The following CALCOCO1 variants were observed in gnomAD, a reference collection of about 807,000 sequenced individuals.
CALCOCO1 encodes calcium binding and coiled-coil domain 1.
In CALCOCO1, 44 loss-of-function variants were observed where a neutral mutation model predicts 86.3. The ratio of observed to expected loss-of-function variants is 0.51; its 90% CI spans 0.40 to 0.66. The LOEUF is 0.66. Among genes scored for constraint, CALCOCO1 ranks in the 30% least tolerant of loss-of-function variants. The pLI is 0.00. For synonymous variants in CALCOCO1, 297 were observed against 327.6 expected (o/e 0.91, Z 1.01); for missense variants, 708 against 851.1 (o/e 0.83, Z 2.09).
intron 10 of CALCOCO1, 63 bp downstream of exon 10, chr12:53,715,137 G>A (rs974992848): frequency 1.3e-6 from 2 of 1,575,500 alleles, no homozygotes; most frequent in Non-Finnish European, 1.7e-6. Flanking sequence ...CCAAGACAGA[G>A]AGAAGGGGTA....
chr12:53,713,826 C>T lies in CALCOCO1; in HGVS notation c.1666G>A (p.Glu556Lys). 1 of 1,564,076 alleles carries T rather than the reference C, an allele frequency of 6.4e-7. No homozygotes were observed. The highest frequency in any genetic ancestry group is 8.6e-7 in the Non-Finnish European group (1 of 1,157,862). ...DMRLPPYGLC[E>K]RGDPGSSPAG... ...GGAGAGGAGCCTGGGTCTCCACGCT[C>T]ACAAAGGCCATAGGGTGGGAGCCTC... Residue 556 changes from glutamate to lysine, a missense_variant, in exon 13 of 15, where the codon GAG becomes AAG. Glu to Lys is a moderately conservative substitution (Grantham distance 56, BLOSUM62 1). Transcript: ENST00000550804.
chr12:53,720,477 C>T (rs577268354), intron 6 of CALCOCO1, among the ~76,000 whole-genome samples: 25 of 152,298 alleles, frequency 1.6e-4, no homozygotes, highest in Non-Finnish European at 2.9e-4. Context: ...GGCTTGTGGG[C>T]CATAGTTGTT....
Position 53,715,792 on chromosome 12 carries a change from C to T in CALCOCO1, c.1260+1G>A. On this transcript the variant is annotated splice_donor_variant, in intron 9 of 14. Transcript: ENST00000550804. LOFTEE classifies it high-confidence loss of function. ...TTGCCAGGTACCCCCCATCCCTCTA[C>T]CTCCACACTCTGCAGCAGCCCTGCC... is the stretch of plus-strand genomic sequence containing the variant. The T allele has an allele frequency of 6.2e-7, 1 of 1,612,468 alleles. No individual in the cohort carries two copies. Among genetic ancestry groups the T allele is most frequent in the Non-Finnish European group, 8.5e-7 (1 of 1,179,946 alleles).
Position 53,711,473 on chromosome 12 carries a change from T to C in CALCOCO1, c.*471A>G, listed in dbSNP as rs980059778. ...GGGACCTGAGAGGCCATGATGTCCA[T>C]GCTGCTGCCTCTGTGCAGACCCCAG... is the stretch of plus-strand genomic sequence containing the variant. On this transcript the variant is annotated 3_prime_UTR_variant, in exon 15 of 15. Coordinates refer to ENST00000550804, the MANE Select transcript of CALCOCO1 (RefSeq NM_020898.3). 7 of 361,908 alleles carry C rather than the reference T, an allele frequency of 1.9e-5. No individual in the cohort carries two copies. The highest frequency in any genetic ancestry group is 3.4e-5 in the Non-Finnish European group (7 of 203,724). The allele number at this position is 361,908 out of a possible 1,614,324, so 22.4% of individuals were successfully genotyped here.
chr12:53,718,246 T>C (rs1945780420), intron 7 of CALCOCO1, among the ~76,000 whole-genome samples: 1 of 152,220 alleles, frequency 6.6e-6, no homozygotes, highest in South Asian at 2.1e-4. Flanking sequence ...GTTCTTGATA[T>C]TGTACAACCA....
chr12:53,719,729 A>C lies in CALCOCO1; in HGVS notation c.849+10T>G. The C allele has an allele frequency of 6.2e-7, 1 of 1,601,660 alleles. No homozygotes were observed. The highest frequency in any genetic ancestry group is 2.2e-5 in the East Asian group (1 of 44,778). ...CAATGGAGAAAGCAAATCAACTCTG[A>C]GCCCCTTACCTCACTTTGCTCCTTG... On this transcript the variant is annotated intron_variant, in intron 7 of 14. Coordinates refer to ENST00000550804, the MANE Select transcript of CALCOCO1 (RefSeq NM_020898.3).
rs202198086 is a variant in CALCOCO1 at position 53,713,815 on chromosome 12, G to C, written c.1677C>G (p.Asp559Glu). 153 of 1,575,750 alleles carry C rather than the reference G, an allele frequency of 9.7e-5. 1 individual carries two copies. Among genetic ancestry groups the C allele is most frequent in the South Asian group, 1.2e-4 (10 of 84,828 alleles). Residue 559 changes from aspartate (D) to glutamate (E), a missense_variant, in exon 13 of 15, where the codon GAC becomes GAG. Coordinates refer to ENST00000550804, the MANE Select transcript of CALCOCO1 (RefSeq NM_020898.3). Reference protein sequence around the residue: ...LPPYGLCERGDPGSSPAGPRE... With the variant: ...LPPYGLCERGEPGSSPAGPRE... The stretch of plus-strand genomic sequence containing the variant: ...GAGGCCCAGCAGGAGAGGAGCCTGG[G>C]TCTCCACGCTCACAAAGGCCATAGG...
chr12:53,712,249 G>T (rs368760832), intron 14 of CALCOCO1, 128 bp from the exon 15 acceptor site: 5 of 740,654 alleles, frequency 6.8e-6, no homozygotes, highest in African/African-American at 5.4e-5. Context: ...CAGCATCCTG[G>T]CCTCTCCCAC....
intron 8 of CALCOCO1, 74 bp from the exon 9 acceptor site, chr12:53,716,121 T>G: frequency 1.9e-6 from 3 of 1,592,716 alleles, no homozygotes; most frequent in Non-Finnish European, 2.6e-6. Flanking sequence ...AAACGCTCCC[T>G]CCACTCCACT....
chr12:53,713,161 C>G lies in CALCOCO1; in HGVS notation c.1837G>C (p.Gly613Arg), dbSNP rs762130188. 18 of 1,614,052 alleles carry G rather than the reference C, an allele frequency of 1.1e-5. No individual in the cohort carries two copies. The highest frequency in any genetic ancestry group is 1.4e-5 in the Non-Finnish European group (16 of 1,180,020). ...KSVLMAAVQS[G>R]GEEANLLLPE... ...AGCAGTAAGTTGGCCTCCTCACCCCCACTCTGCACAGCTGCCATCAGGACT... is the reference window on the plus strand; with the variant it reads ...AGCAGTAAGTTGGCCTCCTCACCCCGACTCTGCACAGCTGCCATCAGGACT... The change falls in exon 14 of 15, where the codon GGG becomes CGG. Residue 613 changes from glycine to arginine, a missense_variant. By Grantham distance (125) the Gly-to-Arg change is moderately radical. Transcript: ENST00000550804.
rs368477520 is a variant in CALCOCO1 at position 53,716,399 on chromosome 12, G to C, written c.866C>G (p.Ala289Gly). ...ATTTAAGTGATGGTTCTCCTGTTGT[G>C]CCACTTGGAGCTCAGCCTGAGGGAA... ...KEQSEAELQVAQQENHHLNLD... is the reference protein window; with the variant it reads ...KEQSEAELQVGQQENHHLNLD... Residue 289 changes from alanine (A) to glycine (G), a missense_variant, in exon 8 of 15, where the codon GCA becomes GGA. Physicochemically the swap from Ala to Gly is moderately conservative, Grantham distance 60 (BLOSUM62 0). Coordinates refer to ENST00000550804, the MANE Select transcript of CALCOCO1 (RefSeq NM_020898.3). 1 of 1,614,174 alleles carries C rather than the reference G, an allele frequency of 6.2e-7. No individual in the cohort carries two copies. The highest frequency in any genetic ancestry group is 1.3e-5 in the African/African-American group (1 of 75,036).
chr12:53,716,469 G>A (rs770489202), intron 7 of CALCOCO1, 54 bp from the exon 8 acceptor site: 94 of 1,594,792 alleles, frequency 5.9e-5, no homozygotes, highest in Middle Eastern at 5.0e-4. Context: ...GGGGTGGCTC[G>A]GGAGGTGAAC....
Position 53,709,521 on chromosome 12 carries a change from T to TG in CALCOCO1, c.*2422dup, listed in dbSNP as rs1306853084. ...TAGATATCCATGTTGAGGAGCCTGGTGGGGGGTTGGGGGGCTTCATGGAGG... is the reference window on the plus strand; with the variant it reads ...TAGATATCCATGTTGAGGAGCCTGGTGGGGGGGTTGGGGGGCTTCATGGAGG... On this transcript the variant is annotated 3_prime_UTR_variant, in exon 15 of 15. Coordinates refer to ENST00000550804, the MANE Select transcript of CALCOCO1 (RefSeq NM_020898.3). The TG allele has an allele frequency of 6.6e-6, 1 of 151,672 alleles. No homozygotes were observed. Among genetic ancestry groups the TG allele is most frequent in the Non-Finnish European group, 1.5e-5 (1 of 68,020 alleles). The allele number at this position is 151,672 out of a possible 1,614,324, so 9.4% of individuals were successfully genotyped here.
intron 7 of CALCOCO1, among the ~76,000 whole-genome samples, 156 bp downstream of exon 7, chr12:53,719,583 C>T (rs961674252): frequency 8.5e-5 from 13 of 152,212 alleles, no homozygotes; most frequent in Admixed American, 1.3e-4. Flanking sequence ...CTTTTCCACT[C>T]TGACTAATCC....
chr12:53,712,007 G>A lies in CALCOCO1; in HGVS notation c.2013C>T (p.Ala671=), dbSNP rs776803885. 1 of 1,609,616 alleles carries A rather than the reference G, an allele frequency of 6.2e-7. No homozygotes were observed. The highest frequency in any genetic ancestry group is 8.5e-7 in the Non-Finnish European group (1 of 1,178,080). The stretch of plus-strand genomic sequence containing the variant: ...AGTGTCCATCCATGTGGTCCTCCAG[G>A]GCATCCTTGTCACTCTCAGCAGGAA... The part of the protein sequence containing the change: ...ERFPAESDKD[A]LEDHMDGHFF... The change falls in exon 15 of 15, where the codon GCC becomes GCT. Residue 671 remains alanine, a synonymous_variant. Transcript: ENST00000550804.
intron 13 of CALCOCO1, 105 bp from the exon 14 acceptor site, chr12:53,713,311 C>A: frequency 1.1e-6 from 1 of 891,578 alleles, no homozygotes; most frequent in Non-Finnish European, 1.8e-6. Flanking sequence ...AGGACAGTGA[C>A]CTGAGGGGCT....
intron 14 of CALCOCO1, 32 bp from the exon 15 acceptor site, chr12:53,712,153 C>T (rs768750016): frequency 3.2e-6 from 5 of 1,553,126 alleles, no homozygotes; most frequent in East Asian, 2.4e-5. Flanking sequence ...GGGAGAGGGT[C>T]GGCGTGCTCT....
intron 7 of CALCOCO1, among the ~76,000 whole-genome samples, chr12:53,718,309 T>A (rs1199444865): frequency 6.6e-6 from 1 of 152,204 alleles, no homozygotes. Flanking sequence ...CAGTCTTCGA[T>A]AGCCTCTCAT....
At position 53,715,187 on chromosome 12, in the gene CALCOCO1, C is replaced by T; in HGVS notation, c.1386+13G>A. On this transcript the variant is annotated intron_variant, in intron 10 of 14. Transcript: ENST00000550804. Reference sequence around the variant, plus strand: ...GGCCATAGGACAGGACCCTTGGTGGCTGGATGCCTCACCAGGCTAGAATCC... The same window carrying T: ...GGCCATAGGACAGGACCCTTGGTGGTTGGATGCCTCACCAGGCTAGAATCC... 1 of 1,613,670 alleles carries T rather than the reference C, an allele frequency of 6.2e-7. No homozygotes were observed.
Sources: allele counts gnomAD v4.1 joint callset (sites outside exome capture counted in the v4.1 genomes callset), GRCh38; gene constraint gnomAD v4.1.1; transcripts MANE v1.5; gene names NCBI Gene and HGNC (gene_info 2026-07-23, HGNC 2026-07-21).